TMCO1: variants seen among roughly 807,000 people sequenced by gnomAD.
TMCO1 encodes the protein transmembrane and coiled-coil domains 1.
Under a neutral mutation model 29.3 loss-of-function variants are expected in TMCO1, and 29 were observed. The observed-to-expected ratio is 0.99, with a 90% CI of 0.74 to 1.35. The LOEUF is 1.35. TMCO1 is among the 40% of genes most tolerant of loss of function. The pLI is 0.00. For synonymous variants in TMCO1, 80 were observed against 77.1 expected (o/e 1.04, Z -0.20); for missense variants, 173 against 225.5 (o/e 0.77, Z 1.49).
chr1:165,759,761 T>G (rs575337543), intron 2 of TMCO1, among the ~76,000 whole-genome samples, 177 bp from the exon 3 acceptor site: 1 of 152,344 alleles, frequency 6.6e-6, no homozygotes, highest in African/African-American at 2.4e-5. Flanking sequence ...AAAAGGTAGA[T>G]ACAATATTCT....
chr1:165,725,154 C>G (rs1477544526), downstream of TMCO1: 2 of 434,604 alleles, frequency 4.6e-6, no homozygotes, highest in East Asian at 7.0e-5. Flanking sequence ...CAGAATTAAT[C>G]TAAAAAAAGA....
intron 6 of TMCO1, among the ~76,000 whole-genome samples, chr1:165,735,339 T>G (rs12401968): frequency 0.015 from 2,342 of 152,232 alleles, 24 homozygotes; most frequent in South Asian, 0.03. Flanking sequence ...GTTGGCACTG[T>G]GAAGAGTGTC....
Position 165,768,171 on chromosome 1 carries a change from C to T in TMCO1, c.148+21G>A. On this transcript the variant is annotated intron_variant, in intron 2 of 6. Coordinates refer to ENST00000367881, the MANE Select transcript of TMCO1 (RefSeq NM_019026.6). ...TGAGCTTGACGTGTTGAAATTATTTCTAATGTGTTGCCATACTCACATTTT... is the reference window on the plus strand; with the variant it reads ...TGAGCTTGACGTGTTGAAATTATTTTTAATGTGTTGCCATACTCACATTTT... 1.9e-6 allele frequency: 3 copies of T among 1,583,264 alleles called. No homozygotes were observed. In the South Asian group the frequency reaches 3.3e-5, roughly 18 times the overall value.
At chr1:165,744,680 C>T (rs12138244) in intron 5 of TMCO1, among the ~76,000 whole-genome samples, 1 of 151,190 alleles carries the variant, frequency 6.6e-6, no homozygotes, top group Non-Finnish European at 1.5e-5. Context: ...ATCCCAGCTA[C>T]TCAGGAGGCT....
chr1:165,743,328 A>G lies in TMCO1; in HGVS notation c.324-17T>C, dbSNP rs753448474. 125 of 1,609,930 alleles carry G rather than the reference A, an allele frequency of 7.8e-5. No individual in the cohort carries two copies. Among genetic ancestry groups the G allele is most frequent in the Non-Finnish European group, 1.0e-4 (122 of 1,178,956 alleles). ...CCATCAAATCTAAAAGAAAAAAAAA[A>G]AAAAAGAATTGTTATCTTTGGAAGA... On this transcript the variant is annotated splice_polypyrimidine_tract_variant and intron_variant, in intron 5 of 6. Transcript: ENST00000367881.
chr1:165,751,024 C>T (rs998371524), intron 5 of TMCO1, among the ~76,000 whole-genome samples: 13 of 152,030 alleles, frequency 8.6e-5, no homozygotes, highest in African/African-American at 2.9e-4. Flanking sequence ...GAGCTGAGAT[C>T]GCGCCACTGC....
chr1:165,756,578 T>C (rs1189819354), intron 3 of TMCO1, among the ~76,000 whole-genome samples: 1 of 152,064 alleles, frequency 6.6e-6, no homozygotes, highest in Non-Finnish European at 1.5e-5. Context: ...AGTCAAAACA[T>C]TTGCTCCTGA....
intron 6 of TMCO1, among the ~76,000 whole-genome samples, chr1:165,742,062 A>AAATCTT (rs1651616428): frequency 6.6e-6 from 1 of 152,210 alleles, no homozygotes; most frequent in Non-Finnish European, 1.5e-5. Flanking sequence ...GGGCAACCAA[A>AAATCTT]AATCTTCTGC....
intron 2 of TMCO1, among the ~76,000 whole-genome samples, chr1:165,761,371 T>TA (rs1033828081): frequency 6.6e-6 from 1 of 151,712 alleles, no homozygotes; most frequent in Admixed American, 6.6e-5. Context: ...TCTGTCTCTA[T>TA]AAAAAATTGA....
At chr1:165,731,116 G>A (rs1651147068) in intron 6 of TMCO1, among the ~76,000 whole-genome samples, 1 of 151,960 alleles carries the variant, frequency 6.6e-6, no homozygotes. Flanking sequence ...GGCCAGGATG[G>A]TCTCGATCTC....
chr1:165,736,669 G>A (rs1031437715), intron 6 of TMCO1, among the ~76,000 whole-genome samples: 4 of 146,388 alleles, frequency 2.7e-5, no homozygotes, highest in South Asian at 2.1e-4. Context: ...GCAGTGAACC[G>A]AGATCATGCC....
At chr1:165,763,370 A>T (rs1038323931) in intron 2 of TMCO1, among the ~76,000 whole-genome samples, 1 of 152,196 alleles carries the variant, frequency 6.6e-6, no homozygotes. Context: ...CGCTCATTTC[A>T]TATTGTACTT....
intron 4 of TMCO1, 83 bp from the exon 5 acceptor site, chr1:165,752,252 ATTTT>A (rs773982057): frequency 2.0e-3 from 835 of 425,124 alleles, no homozygotes; most frequent in Non-Finnish European, 2.5e-3. Context: ...GTTTCATGTC[ATTTT>A]TTTTTTTTTT....
At chr1:165,729,124 A>C (rs1651022639) in intron 6 of TMCO1, among the ~76,000 whole-genome samples, 2 of 150,622 alleles carry the variant, frequency 1.3e-5, no homozygotes, top group South Asian at 2.1e-4. Context: ...AAAAAAAAAA[A>C]AAACCAGTTT....
At chr1:165,731,041 AG>A (rs1217934952) in intron 6 of TMCO1, among the ~76,000 whole-genome samples, 1 of 152,076 alleles carries the variant, frequency 6.6e-6, no homozygotes, top group Non-Finnish European at 1.5e-5. Context: ...CAGGGAATAC[AG>A]GGGCACATCA....
At chr1:165,731,343 G>A (rs941054651) in intron 6 of TMCO1, among the ~76,000 whole-genome samples, 3 of 152,150 alleles carry the variant, frequency 2.0e-5, no homozygotes, top group Non-Finnish European at 4.4e-5. Flanking sequence ...AATGTATTTA[G>A]CACTAAGCTA....
In TMCO1 at chr1:165,754,276, T is replaced by C. The variant is rs1652110640; in HGVS notation, c.209-2A>G. On this transcript the variant is annotated splice_acceptor_variant, in intron 3 of 6. Coordinates refer to ENST00000367881, the MANE Select transcript of TMCO1 (RefSeq NM_019026.6). LOFTEE classifies it high-confidence loss of function. ...TCTTCAGTTTCTCTTCTTGTCTCTCTGCAAAGAATTAATGAGATGGTTAAT... is the reference window on the plus strand; with the variant it reads ...TCTTCAGTTTCTCTTCTTGTCTCTCCGCAAAGAATTAATGAGATGGTTAAT... The C allele has an allele frequency of 2.5e-6, 4 of 1,609,040 alleles. No homozygotes were observed. Among genetic ancestry groups the C allele is most frequent in the Non-Finnish European group, 1.7e-6 (2 of 1,175,832 alleles).
intron 6 of TMCO1, among the ~76,000 whole-genome samples, chr1:165,732,505 C>CTA (rs66588679): frequency 0.029 from 3,848 of 133,734 alleles, 126 homozygotes; most frequent in African/African-American, 0.082. Flanking sequence ...CTCTCTCTCT[C>CTA]TATATATATA....
intron 5 of TMCO1, among the ~76,000 whole-genome samples, chr1:165,748,682 T>C (rs552208708): frequency 2.0e-5 from 3 of 152,298 alleles, no homozygotes; most frequent in South Asian, 2.1e-4. Context: ...GGGAACACAA[T>C]TGGTTCCAAG....
Sources: allele counts gnomAD v4.1 joint callset (sites outside exome capture counted in the v4.1 genomes callset), GRCh38; gene constraint gnomAD v4.1.1; transcripts MANE v1.5; gene names NCBI Gene and HGNC (gene_info 2026-07-23, HGNC 2026-07-21).